The following CACNA1C variants were observed in gnomAD, a reference collection of about 807,000 sequenced individuals.
The protein encoded by CACNA1C is calcium voltage-gated channel subunit alpha1 C.
Under a neutral mutation model 229.0 loss-of-function variants are expected in CACNA1C, and 30 were observed. The ratio of observed to expected loss-of-function variants is 0.13; its 90% confidence interval spans 0.10 to 0.18. The LOEUF is 0.18. CACNA1C is among the 10% of genes least tolerant of loss of function. CACNA1C has a pLI of 1.00. For synonymous variants in CACNA1C, 1,114 were observed against 1,132.5 expected (o/e 0.98, Z 0.33); for missense variants, 1,658 against 2,845.0 (o/e 0.58, Z 9.49).
At chr12:2,554,965 T>C (rs1029690014) in intron 10 of CACNA1C, among the ~76,000 whole-genome samples, 4 of 152,208 alleles carry the variant, frequency 2.6e-5, no homozygotes, top group African/African-American at 9.7e-5. Flanking sequence ...AAAATTCTGC[T>C]CACAATCCCG....
At position 2,677,285 on chromosome 12, in the gene CACNA1C, C is replaced by A; in HGVS notation, c.4956+64C>A. On this transcript the variant is annotated intron_variant, in intron 40 of 46. Transcript: ENST00000399655. The surrounding 1 kb of genome is among the most constrained non-coding windows in gnomAD (Gnocchi z 7.4). ...CTGGTCATTGCCTCTGACCTCCAGT[C>A]AGGGTCCCGGTCCCTCCCCAGCAGG... 3 of 1,567,672 alleles carry A rather than the reference C, an allele frequency of 1.9e-6. No homozygotes were observed. The South Asian group carries it at 3.6e-5, about 19-fold the overall frequency.
At chr12:1,985,903 T>C (rs913224696) in intron 1 of CACNA1C, among the ~76,000 whole-genome samples, 5 of 152,092 alleles carry the variant, frequency 3.3e-5, no homozygotes, top group East Asian at 1.9e-4. Flanking sequence ...CTCCACCTCC[T>C]GGGTTCACGC....
intron 5 of CACNA1C, among the ~76,000 whole-genome samples, chr12:2,472,630 A>C (rs760634856): frequency 1.3e-5 from 2 of 152,146 alleles, no homozygotes; most frequent in African/African-American, 2.4e-5. Flanking sequence ...ACACACCCAC[A>C]TATATATAGC....
chr12:2,238,896 T>C (rs1209206865), intron 3 of CACNA1C, among the ~76,000 whole-genome samples: 1 of 152,242 alleles, frequency 6.6e-6, no homozygotes, highest in Non-Finnish European at 1.5e-5. Flanking sequence ...TCATTTTGAC[T>C]GGCTTCACTC....
intron 1 of CACNA1C, among the ~76,000 whole-genome samples, chr12:2,031,283 C>G (rs569031942): frequency 1.4e-4 from 22 of 152,280 alleles, no homozygotes; most frequent in African/African-American, 5.3e-4. Flanking sequence ...GGTCTCAGTA[C>G]GGAGAAACCA....
chr12:2,190,955 G>C (rs1378050402), intron 3 of CACNA1C, among the ~76,000 whole-genome samples: 1 of 152,214 alleles, frequency 6.6e-6, no homozygotes, highest in Non-Finnish European at 1.5e-5. Flanking sequence ...GGCCTAGAAA[G>C]GGTGCCAGTC....
intron 11 of CACNA1C, among the ~76,000 whole-genome samples, chr12:2,564,152 AC>A (rs1861178711): frequency 6.6e-6 from 1 of 152,162 alleles, no homozygotes; most frequent in African/African-American, 2.4e-5. Context: ...AGACACACAC[AC>A]ACCGGAAACA....
chr12:2,169,384 A>G (rs923381927), intron 3 of CACNA1C, among the ~76,000 whole-genome samples: 1 of 152,162 alleles, frequency 6.6e-6, no homozygotes, highest in African/African-American at 2.4e-5. Context: ...ACATCACTTC[A>G]GATATTTGCT....
chr12:2,447,971 G>A (rs1320122806), intron 3 of CACNA1C, among the ~76,000 whole-genome samples: 1 of 152,270 alleles, frequency 6.6e-6, no homozygotes, highest in South Asian at 2.1e-4. Flanking sequence ...CTCCAGTGAG[G>A]GATGGCTGAG....
rs2097841672 is a variant in CACNA1C at position 2,696,204 on chromosome 12, C to T, written c.*5005C>T. On this transcript the variant is annotated 3_prime_UTR_variant, in exon 47 of 47. Coordinates refer to ENST00000399655, the MANE Select transcript of CACNA1C (RefSeq NM_000719.7). Reference sequence around the variant, plus strand: ...TAGGGTATTAGAGAACTCTTCCAGTCACCTCTGAAAGCACTCTAGATCTTG... The same window carrying T: ...TAGGGTATTAGAGAACTCTTCCAGTTACCTCTGAAAGCACTCTAGATCTTG... 1.3e-5 allele frequency: 2 copies of T among 152,288 alleles called. No individual in the cohort carries two copies. The highest frequency in any genetic ancestry group is 4.1e-4 in the South Asian group (2 of 4,826). 9.4% of individuals were successfully genotyped at this position (152,288 alleles called of 1,614,324 possible). A position where few individuals can be genotyped will look rare whatever the true frequency, so the allele number is the denominator to read the frequency against.
At position 2,365,864 on chromosome 12, in the gene CACNA1C, A is replaced by AT. The variant is rs759052643; in HGVS notation, c.478-83107dup. 5.6e-4 allele frequency among the ~76,000 whole-genome samples: 85 copies of AT among 152,216 alleles called. 1 individual carries two copies. The highest frequency in any genetic ancestry group is 3.9e-4 in the Admixed American group (6 of 15,276). ...AGTGGGAATGGGTGAATTGAGAGGC[A>AT]TTTTTCTGGCCTGCACTCCACGTGT... is the stretch of plus-strand genomic sequence containing the variant. On this transcript the variant is annotated intron_variant, in intron 3 of 46. Transcript: ENST00000399655.
intron 1 of CACNA1C, among the ~76,000 whole-genome samples, chr12:2,062,955 G>A (rs183047017): frequency 2.0e-5 from 3 of 151,898 alleles, no homozygotes; most frequent in African/African-American, 7.3e-5. Flanking sequence ...GGTATAATTC[G>A]CATACCGTAA....
chr12:2,689,465 G>A lies in CACNA1C; in HGVS notation c.6117+686G>A, dbSNP rs1310428087. Among the ~76,000 whole-genome samples, 6 of 152,104 alleles carry A rather than the reference G, an allele frequency of 3.9e-5. No individual in the cohort carries two copies. The highest frequency in any genetic ancestry group is 1.3e-4 in the Admixed American group (2 of 15,280). On this transcript the variant is annotated intron_variant, in intron 46 of 46. Coordinates refer to ENST00000399655, the MANE Select transcript of CACNA1C (RefSeq NM_000719.7). This position sits in a 1 kb window ranked among gnomAD's most constrained non-coding sequence, Gnocchi z 4.2. ...CACCTCTCACACCTGCAACGGGTGG[G>A]ATGGGGAAAGGGTGGCAGGCTCAGC... is the stretch of plus-strand genomic sequence containing the variant.
intron 1 of CACNA1C, among the ~76,000 whole-genome samples, chr12:2,080,714 A>G (rs2065262822): frequency 6.6e-6 from 1 of 152,246 alleles, no homozygotes; most frequent in Admixed American, 6.5e-5. Context: ...GTATTTTTAG[A>G]AATGAAAAAC....
At chr12:2,555,822 T>C (rs1043711922) in intron 10 of CACNA1C, among the ~76,000 whole-genome samples, 3 of 152,164 alleles carry the variant, frequency 2.0e-5, no homozygotes, top group Non-Finnish European at 4.4e-5. Flanking sequence ...TAATAAGAAA[T>C]AACGAGAGGG....
chr12:2,073,027 G>C (rs2283270), intron 1 of CACNA1C, among the ~76,000 whole-genome samples: 1 of 151,910 alleles, frequency 6.6e-6, no homozygotes, highest in South Asian at 2.1e-4. Flanking sequence ...CAGTGGGGCC[G>C]CTGGCTGGAA....
rs148843368 is a variant in CACNA1C, at chr12:2,021,594, C to T, written c.139+50393C>T. Among the ~76,000 whole-genome samples the T allele has an allele frequency of 8.1e-3, 1,239 of 152,030 alleles. 7 individuals are homozygous for T. The highest frequency in any genetic ancestry group is 0.013 in the Non-Finnish European group (908 of 67,996). ...ACTCAGGAGGCTGAGACAGGAGAAT[C>T]GCTTGAACCCGGGAGGTGGAGGTTG... On this transcript the variant is annotated intron_variant, in intron 1 of 46. Transcript: ENST00000682462.
At position 2,095,650 on chromosome 12, in the gene CACNA1C, G is replaced by A. The variant is rs559096960; in HGVS notation, c.50-19574G>A. ...TGGAGGAGAAGGGCTAGGCAGGGTC[G>A]GATACCACTGGCTCCAGAGAGTGTC... On this transcript the variant is annotated intron_variant, in intron 1 of 46. Coordinates refer to ENST00000399655, the MANE Select transcript of CACNA1C (RefSeq NM_000719.7). Among the ~76,000 whole-genome samples the A allele has an allele frequency of 3.3e-5, 5 of 152,266 alleles. No homozygotes were observed. In the East Asian group the frequency reaches 5.8e-4, roughly 18 times the overall value.
chr12:2,436,316 T>C (rs1359869364), intron 3 of CACNA1C, among the ~76,000 whole-genome samples: 1 of 152,190 alleles, frequency 6.6e-6, no homozygotes, highest in East Asian at 1.9e-4. Flanking sequence ...CGGGGAAATA[T>C]TGGGTCTGCA....
Sources: gnomAD v4.1 joint callset for allele counts (sites outside exome capture counted in the v4.1 genomes callset) on GRCh38, gnomAD v4.1.1 for gene constraint, Gnocchi (gnomAD v3.1) non-coding constraint, MANE v1.5 for transcripts, NCBI Gene and HGNC (gene_info 2026-07-23, HGNC 2026-07-21) for gene names.